The following ZNF496 variants were observed in gnomAD, a reference collection of about 807,000 sequenced individuals.
The protein encoded by ZNF496 is NSD1 (nuclear receptor binding SET-domain containing 1)-interacting zinc finger protein 1.
In ZNF496, 11 loss-of-function variants were observed where a neutral mutation model predicts 58.9. That is an observed-to-expected ratio of 0.19 (90% CI 0.12 to 0.31). The LOEUF (loss-of-function observed/expected upper bound fraction) is 0.31, where lower values mean the gene tolerates loss of function less well. ZNF496 is among the 10% of genes least tolerant of loss of function. ZNF496 has a pLI of 1.00. For synonymous variants in ZNF496, 338 were observed against 318.2 expected, an observed-to-expected ratio of 1.06 and a Z score of -0.66; for missense variants, 660 against 783.0, an observed-to-expected ratio of 0.84 and a Z score of 1.88.
rs141847898 is a variant in ZNF496, at chr1:247,310,490, C to T, written c.652-34G>A. 120 of 1,612,676 alleles carry T rather than the reference C, an allele frequency of 7.4e-5. 1 individual carries two copies. The highest frequency in any genetic ancestry group is 4.7e-4 in the East Asian group (21 of 44,870). The stretch of plus-strand genomic sequence containing the variant: ...ACAGGAGAACAGGGATGCCTCAGTC[C>T]GGGACGAGCTAGGTGTCTCAGTCTT... On this transcript the variant is annotated intron_variant, in intron 6 of 9. Transcript: ENST00000682384.
At chr1:247,321,478 G>A (rs960749146) in intron 6 of ZNF496, among the ~76,000 whole-genome samples, 5 of 152,084 alleles carry the variant, frequency 3.3e-5, no homozygotes, top group African/African-American at 4.8e-5. Flanking sequence ...CCACTGAACC[G>A]CACACTTAAA....
chr1:247,331,309 A>G (rs1388084130), intron 2 of ZNF496, 123 bp downstream of exon 2: 1 of 152,436 alleles, frequency 6.6e-6, no homozygotes, highest in African/African-American at 2.4e-5. Flanking sequence ...GGAGGGACCG[A>G]GCTGGATCGG....
chr1:247,311,428 G>GACACACACACACAC (rs1282601628), intron 6 of ZNF496: 1 of 38,228 alleles, frequency 2.6e-5, no homozygotes, highest in African/African-American at 6.0e-5. Context: ...CACACACACA[G>GACACACACACACAC]AGACACACAC....
Position 247,329,061 on chromosome 1 carries a change from G to A in ZNF496, c.390+128C>T. ...AAACTGGCTTTCTTAGGAAACTCTA[G>A]TCTGGACCTAACCAAAGTAAATGGC... is the stretch of plus-strand genomic sequence containing the variant. On this transcript the variant is annotated intron_variant, in intron 4 of 9. Coordinates refer to ENST00000682384, the MANE Select transcript of ZNF496 (RefSeq NM_032752.3). The surrounding 1 kb of genome is among the most constrained non-coding windows in gnomAD (Gnocchi z 5.5). 1.3e-6 allele frequency: 2 copies of A among 1,504,060 alleles called. No homozygotes were observed. Among genetic ancestry groups the A allele is most frequent in the Non-Finnish European group, 9.1e-7 (1 of 1,102,058 alleles). 93.2% of individuals were successfully genotyped at this position (1,504,060 alleles called of 1,614,324 possible). A position where few individuals can be genotyped will look rare whatever the true frequency, so the allele number is the denominator to read the frequency against.
intron 9 of ZNF496, chr1:247,304,029 T>C (rs947956744): frequency 1.1e-5 from 5 of 438,276 alleles, no homozygotes; most frequent in African/African-American, 2.0e-5. Context: ...CTGAGTATTA[T>C]ATACCAGCAG....
chr1:247,326,968 C>G (rs1572094926), intron 5 of ZNF496, among the ~76,000 whole-genome samples: 1 of 152,260 alleles, frequency 6.6e-6, no homozygotes, highest in East Asian at 1.9e-4. Context: ...AGTCCTGGCA[C>G]AAAGCTTGTT....
chr1:247,310,581 T>C (rs1659568973), intron 6 of ZNF496, 125 bp from the exon 7 acceptor site: 5 of 1,306,978 alleles, frequency 3.8e-6, no homozygotes, highest in Non-Finnish European at 5.2e-6. Flanking sequence ...AGAAATCTGT[T>C]CCTCACAGTT....
In ZNF496 at chr1:247,322,962, G is replaced by A. The variant is rs747587157; in HGVS notation, c.651+192C>T. 3.3e-5 allele frequency among the ~76,000 whole-genome samples: 5 copies of A among 152,270 alleles called. No homozygotes were observed. The South Asian group carries it at 8.3e-4, about 25-fold the overall frequency. On this transcript the variant is annotated intron_variant, in intron 6 of 9. Coordinates refer to ENST00000682384, the MANE Select transcript of ZNF496 (RefSeq NM_032752.3). ...CCTGATGACAGTAGACCCAGTGGGC[G>A]GCTGGGACCACAGGGAAGGAGGAGA... is the stretch of plus-strand genomic sequence containing the variant.
At chr1:247,323,270 G>A (rs760077512) in intron 5 of ZNF496, 40 bp from the exon 6 acceptor site, 1 of 1,524,640 alleles carries the variant, frequency 6.6e-7, no homozygotes, top group East Asian at 2.3e-5. Context: ...AGTGGGCCAG[G>A]GCCAGGCCTG....
At chr1:247,310,264 A>G (rs538875685) in intron 7 of ZNF496, 60 bp downstream of exon 7, 2 of 1,607,228 alleles carry the variant, frequency 1.2e-6, no homozygotes, top group East Asian at 2.2e-5. Context: ...TCTTACTCCA[A>G]GTGAGAACTC....
In ZNF496 at chr1:247,300,422, C is replaced by G; in HGVS notation, c.*97G>C. 7.3e-7 allele frequency: 1 copy of G among 1,372,286 alleles called. No homozygotes were observed. The highest frequency in any genetic ancestry group is 1.5e-5 in the South Asian group (1 of 67,714). The allele number at this position is 1,372,286 out of a possible 1,614,324, so 85.0% of individuals were successfully genotyped here. ...CAAGGACAGGAGGGAGGTGTGCTCT[C>G]TATCCTGGGGAAGGTATGTCCTGGG... On this transcript the variant is annotated 3_prime_UTR_variant, in exon 10 of 10. Coordinates refer to ENST00000682384, the MANE Select transcript of ZNF496 (RefSeq NM_032752.3). The surrounding 1 kb of genome is among the most constrained non-coding windows in gnomAD (Gnocchi z 5.7).
chr1:247,314,920 T>C (rs1414768937), intron 6 of ZNF496, among the ~76,000 whole-genome samples: 1 of 152,078 alleles, frequency 6.6e-6, no homozygotes, highest in African/African-American at 2.4e-5. Context: ...CTACTTTTTT[T>C]TTGGTATTTT....
In ZNF496 at chr1:247,302,646, CTA is replaced by C. The variant is rs1226702161; in HGVS notation, c.1007-1372_1007-1371del. On this transcript the variant is annotated intron_variant, in intron 9 of 9. Transcript: ENST00000682384. ...GTGAGCCACTGCGCCCGCCGAGAGGCTATGTTTGACGCTTATCTCGACTCTTG... is the reference window on the plus strand; with the variant it reads ...GTGAGCCACTGCGCCCGCCGAGAGGCTGTTTGACGCTTATCTCGACTCTTG... 3.9e-5 allele frequency among the ~76,000 whole-genome samples: 6 copies of C among 152,234 alleles called. No homozygotes were observed. In the East Asian group the frequency reaches 9.7e-4, roughly 25 times the overall value.
intron 6 of ZNF496, among the ~76,000 whole-genome samples, chr1:247,317,916 G>C (rs1449633695): frequency 2.0e-5 from 3 of 152,208 alleles, no homozygotes; most frequent in African/African-American, 7.2e-5. Flanking sequence ...AGATACGTTA[G>C]AACTATCTGA....
intron 5 of ZNF496, among the ~76,000 whole-genome samples, chr1:247,327,013 A>G (rs894189742): frequency 1.3e-5 from 2 of 152,108 alleles, no homozygotes; most frequent in Non-Finnish European, 2.9e-5. Flanking sequence ...ATGGGTTTTT[A>G]CGGGTCCCAA....
At chr1:247,301,305 A>G in intron 9 of ZNF496, 29 bp from the exon 10 acceptor site, 1 of 1,501,896 alleles carries the variant, frequency 6.7e-7, no homozygotes, top group Middle Eastern at 1.8e-4. Flanking sequence ...CAGGTCAGCG[A>G]CGCTGCACAG....
intron 7 of ZNF496, 88 bp downstream of exon 7, chr1:247,310,236 C>T: frequency 6.3e-7 from 1 of 1,578,382 alleles, no homozygotes; most frequent in Non-Finnish European, 8.6e-7. Context: ...TTCCCTGATC[C>T]TATGGGACGA....
chr1:247,304,827 G>C (rs1479907553), intron 9 of ZNF496, among the ~76,000 whole-genome samples: 1 of 151,980 alleles, frequency 6.6e-6, no homozygotes, highest in African/African-American at 2.4e-5. Context: ...TAGCTGGAGA[G>C]GGTTTTGCCT....
chr1:247,329,117 C>A lies in ZNF496; in HGVS notation c.390+72G>T. The A allele has an allele frequency of 6.2e-7, 1 of 1,600,408 alleles. No homozygotes were observed. The highest frequency in any genetic ancestry group is 1.7e-5 in the Admixed American group (1 of 59,062). On this transcript the variant is annotated intron_variant, in intron 4 of 9. Transcript: ENST00000682384. The surrounding 1 kb of genome is among the most constrained non-coding windows in gnomAD (Gnocchi z 5.5). The stretch of plus-strand genomic sequence containing the variant: ...ATGGAACTCCTCATTCCCCAGCCAG[C>A]ACATGCATGGCCCAGCCAAAGTGTC...
Sources: gnomAD v4.1 joint callset for allele counts (sites outside exome capture counted in the v4.1 genomes callset) on GRCh38, gnomAD v4.1.1 for gene constraint, Gnocchi (gnomAD v3.1) non-coding constraint, MANE v1.5 for transcripts, NCBI Gene and HGNC (gene_info 2026-07-23, HGNC 2026-07-21) for gene names.